The following HIVEP3 variants were observed in gnomAD, a reference collection of about 807,000 sequenced individuals.
HIVEP3 encodes HIVEP zinc finger 3, also known as transcription factor HIVEP3.
HIVEP3 carries 49 observed loss-of-function variants against 152.8 expected under a neutral mutation model. That is an observed-to-expected ratio of 0.32 (90% CI 0.26 to 0.41). The LOEUF is 0.41. HIVEP3 is among the 10% of genes least tolerant of loss of function. The pLI is 1.00. For synonymous variants in HIVEP3, 1,269 were observed against 1,289.0 expected (o/e 0.98, Z 0.33); for missense variants, 2,790 against 3,103.3 (o/e 0.90, Z 2.40).
chr1:41,662,814 C>A lies in HIVEP3; in HGVS notation c.-720-33867G>T, dbSNP rs1453319663. Among the ~76,000 whole-genome samples, 1 of 152,156 alleles carries A rather than the reference C, an allele frequency of 6.6e-6. No individual in the cohort carries two copies. Among genetic ancestry groups the A allele is most frequent in the Non-Finnish European group, 1.5e-5 (1 of 67,990 alleles). On this transcript the variant is annotated intron_variant, in intron 2 of 8. Transcript: ENST00000372583. This position sits in a 1 kb window ranked among gnomAD's most constrained non-coding sequence, Gnocchi z 7.2. ...CCGCCGGGGCCCTGCCACTCTGCGC[C>A]ACGCCTTGGTCGCACCCGGGCCCAG... is the stretch of plus-strand genomic sequence containing the variant.
intron 1 of HIVEP3, among the ~76,000 whole-genome samples, chr1:41,810,283 C>T (rs763895015): frequency 6.6e-6 from 1 of 152,194 alleles, no homozygotes; most frequent in Non-Finnish European, 1.5e-5. Context: ...AGTTGCTTAT[C>T]TCAAATAACT....
intron 1 of HIVEP3, among the ~76,000 whole-genome samples, chr1:41,767,579 T>C (rs1359423014): frequency 1.3e-5 from 2 of 152,214 alleles, no homozygotes; most frequent in Non-Finnish European, 1.5e-5. Context: ...GGCTGTCACC[T>C]GGCTCTGTAT....
At chr1:42,010,837 G>A (rs1645488720) in intron 1 of HIVEP3, among the ~76,000 whole-genome samples, 1 of 152,046 alleles carries the variant, frequency 6.6e-6, no homozygotes, top group East Asian at 1.9e-4. Context: ...ACCACCAAGA[G>A]GAGGGATGTC....
Position 41,584,474 on chromosome 1 carries a change from G to T in HIVEP3, c.324C>A (p.Gly108=). ...ACCCCTCCAGGAGATGCTCAGGTTT[G>T]CCAGGCGACATGAATGCTGGTGTCA... ...HPLTPAFMSP[G]KPEHLLEGST... is the part of the protein sequence containing the mutation. The change falls in exon 4 of 9, where the codon GGC becomes GGA. Residue 108 remains glycine (G), a synonymous_variant. Coordinates refer to ENST00000372583, the MANE Select transcript of HIVEP3 (RefSeq NM_024503.5). The surrounding 1 kb of genome is among the most constrained non-coding windows in gnomAD (Gnocchi z 5.2). 6.2e-6 allele frequency: 10 copies of T among 1,614,164 alleles called. No homozygotes were observed. The highest frequency in any genetic ancestry group is 8.5e-6 in the Non-Finnish European group (10 of 1,180,028).
chr1:41,994,462 G>A (rs1273598189), intron 1 of HIVEP3, among the ~76,000 whole-genome samples: 1 of 152,138 alleles, frequency 6.6e-6, no homozygotes, highest in Non-Finnish European at 1.5e-5. Context: ...GTAGGTAATT[G>A]GATCATGGGA....
In HIVEP3 at chr1:41,743,943, T is replaced by C. The variant is rs114631584; in HGVS notation, c.-800-42948A>G. 5.8e-3 allele frequency among the ~76,000 whole-genome samples: 883 copies of C among 152,318 alleles called. 3 individuals carry two copies. Among genetic ancestry groups the C allele is most frequent in the Non-Finnish European group, 0.01 (692 of 68,034 alleles). On this transcript the variant is annotated intron_variant, in intron 1 of 8. Coordinates refer to ENST00000372583, the MANE Select transcript of HIVEP3 (RefSeq NM_024503.5). ...AGGATTCACCAGAAATCTCGATTTC[T>C]ACCCGTGTCAAAAATTCTTCCATCC...
intron 1 of HIVEP3, among the ~76,000 whole-genome samples, chr1:41,704,211 T>C (rs1189000538): frequency 6.6e-6 from 1 of 152,256 alleles, no homozygotes; most frequent in Non-Finnish European, 1.5e-5. Flanking sequence ...CAACTTGTTC[T>C]GTGCTAAGCA....
chr1:41,611,543 C>T (rs773328262), intron 3 of HIVEP3, among the ~76,000 whole-genome samples: 29 of 152,358 alleles, frequency 1.9e-4, no homozygotes, highest in Non-Finnish European at 3.5e-4. Context: ...TTCCATCATG[C>T]GCCCAGGGGC....
intron 1 of HIVEP3, among the ~76,000 whole-genome samples, chr1:42,019,795 A>G (rs1490056042): frequency 6.6e-6 from 1 of 152,030 alleles, no homozygotes; most frequent in Non-Finnish European, 1.5e-5. Flanking sequence ...ATGCTAGCAG[A>G]TATCTCAAGG....
chr1:41,610,331 C>T (rs1253782160), intron 3 of HIVEP3, among the ~76,000 whole-genome samples: 1 of 152,224 alleles, frequency 6.6e-6, no homozygotes, highest in African/African-American at 2.4e-5. Context: ...ATGTCTTACA[C>T]CTTGTGGTAA....
At chr1:41,875,339 C>T (rs971665666) in intron 1 of HIVEP3, among the ~76,000 whole-genome samples, 7 of 152,244 alleles carry the variant, frequency 4.6e-5, no homozygotes, top group African/African-American at 7.2e-5. Context: ...GGCTCCCCTC[C>T]AGCTCCCCAT....
rs559142692 is a variant in HIVEP3 at position 41,725,178 on chromosome 1, G to A, written c.-800-24183C>T. Among the ~76,000 whole-genome samples the A allele has an allele frequency of 7.2e-5, 11 of 152,290 alleles. No homozygotes were observed. In the South Asian group the frequency reaches 2.1e-3, roughly 29 times the overall value. The stretch of plus-strand genomic sequence containing the variant: ...TGAAACAGCTGACCCTAAGCAGGAT[G>A]GGCACATAAGAGGCACCTCTCATGC... On this transcript the variant is annotated intron_variant, in intron 1 of 8. Transcript: ENST00000372583.
At chr1:41,589,018 AC>A (rs1377995885) in intron 3 of HIVEP3, among the ~76,000 whole-genome samples, 1 of 152,158 alleles carries the variant, frequency 6.6e-6, no homozygotes, top group Non-Finnish European at 1.5e-5. Flanking sequence ...AAACCGAAGG[AC>A]CGTTCTAATG....
chr1:42,030,533 G>A (rs1458704217), intron 1 of HIVEP3, among the ~76,000 whole-genome samples: 1 of 152,212 alleles, frequency 6.6e-6, no homozygotes, highest in Non-Finnish European at 1.5e-5. Flanking sequence ...TAAAAAGAAA[G>A]AAGTGTGTCT....
At chr1:41,751,099 C>T (rs1647154731) in intron 1 of HIVEP3, among the ~76,000 whole-genome samples, 1 of 152,128 alleles carries the variant, frequency 6.6e-6, no homozygotes, top group Non-Finnish European at 1.5e-5. Context: ...TAGGCTCTAC[C>T]ATGCAATGAC....
chr1:41,825,795 A>G (rs753272039), intron 1 of HIVEP3, among the ~76,000 whole-genome samples: 3 of 151,472 alleles, frequency 2.0e-5, no homozygotes, highest in Non-Finnish European at 2.9e-5. Flanking sequence ...TTTTGTAGAG[A>G]CGGGGTCTCT....
chr1:41,815,371 C>T (rs1651198983), intron 1 of HIVEP3, among the ~76,000 whole-genome samples: 1 of 152,034 alleles, frequency 6.6e-6, no homozygotes, highest in Non-Finnish European at 1.5e-5. Flanking sequence ...ATTCAGGAGG[C>T]TGAAACAAGA....
At chr1:41,526,199 C>T (rs1642898271) in intron 5 of HIVEP3, among the ~76,000 whole-genome samples, 2 of 151,814 alleles carry the variant, frequency 1.3e-5, no homozygotes, top group Admixed American at 1.3e-4. Context: ...AGAGAGCCCG[C>T]TGGCAGCAAC....
chr1:41,612,002 C>T (rs1644905304), intron 3 of HIVEP3, among the ~76,000 whole-genome samples: 2 of 152,090 alleles, frequency 1.3e-5, no homozygotes, highest in South Asian at 4.1e-4. Context: ...AGGACCCAAC[C>T]TCACCTCACC....
Sources: allele counts gnomAD v4.1 joint callset (sites outside exome capture counted in the v4.1 genomes callset), GRCh38; gene constraint gnomAD v4.1.1; non-coding constraint Gnocchi (gnomAD v3.1); transcripts MANE v1.5; gene names NCBI Gene and HGNC (gene_info 2026-07-23, HGNC 2026-07-21).